Variants in IGF1R observed in about 807,000 individuals in gnomAD.
IGF1R encodes insulin like growth factor 1 receptor, also known as insulin-like growth factor 1 receptor.
A neutral mutation model predicts 144.6 loss-of-function variants in IGF1R; 44 were observed. That is an observed-to-expected ratio of 0.30 (90% CI 0.24 to 0.39). IGF1R has a LOEUF of 0.39. IGF1R is among the 10% of genes least tolerant of loss of function. The probability of loss-of-function intolerance (pLI) is 1.00; values close to 1 mark genes in which losing one functional copy is unlikely to be tolerated. For synonymous variants in IGF1R, 795 were observed against 722.8 expected (o/e 1.10, Z -1.60); for missense variants, 1,355 against 1,833.7 (o/e 0.74, Z 4.77).
At chr15:98,759,979 A>G (rs1388769327) in intron 2 of IGF1R, among the ~76,000 whole-genome samples, 1 of 152,136 alleles carries the variant, frequency 6.6e-6, no homozygotes, top group Admixed American at 6.5e-5. Flanking sequence ...TTGCTGCCAC[A>G]TTTTGCTTGG....
Position 98,810,738 on chromosome 15 carries a change from C to T in IGF1R, c.641-80587C>T, listed in dbSNP as rs543028268. On this transcript the variant is annotated intron_variant, in intron 2 of 20. Coordinates refer to ENST00000650285, the MANE Select transcript of IGF1R (RefSeq NM_000875.5). ...TTATTTTTCGTATTTTTAGTAGAGA[C>T]GGGGTTTCACCGTGTTAGCCAGGAT... Among the ~76,000 whole-genome samples, 8 of 151,506 alleles carry T rather than the reference C, an allele frequency of 5.3e-5. No homozygotes were observed. The East Asian group carries it at 7.9e-4, about 15-fold the overall frequency.
At chr15:98,886,673 T>G (rs1226161477) in intron 2 of IGF1R, among the ~76,000 whole-genome samples, 1 of 152,190 alleles carries the variant, frequency 6.6e-6, no homozygotes, top group Non-Finnish European at 1.5e-5. Context: ...ATTCTCAGTT[T>G]TGGCGCTCGC....
intron 1 of IGF1R, among the ~76,000 whole-genome samples, chr15:98,677,344 A>G (rs933222737): frequency 6.6e-6 from 1 of 152,202 alleles, no homozygotes; most frequent in Non-Finnish European, 1.5e-5. Context: ...ATTCGTTATA[A>G]TAGTCTTTCA....
At chr15:98,714,391 C>T (rs1171695410) in intron 2 of IGF1R, among the ~76,000 whole-genome samples, 1 of 152,186 alleles carries the variant, frequency 6.6e-6, no homozygotes, top group African/African-American at 2.4e-5. Flanking sequence ...CACCTGTAAT[C>T]CTAGCATTTG....
At chr15:98,836,381 G>C (rs2057102430) in intron 2 of IGF1R, among the ~76,000 whole-genome samples, 1 of 152,046 alleles carries the variant, frequency 6.6e-6, no homozygotes, top group Non-Finnish European at 1.5e-5. Flanking sequence ...GTAGCCAGCA[G>C]TGGTGGCACG....
At chr15:98,694,345 A>G (rs985835927) in intron 1 of IGF1R, among the ~76,000 whole-genome samples, 3 of 152,140 alleles carry the variant, frequency 2.0e-5, no homozygotes, top group African/African-American at 7.2e-5. Context: ...ATCCTCCACG[A>G]CAATCCATTA....
At chr15:98,699,406 T>C (rs41470151) in intron 1 of IGF1R, among the ~76,000 whole-genome samples, 16,484 of 152,234 alleles carry the variant, frequency 0.11, 1,599 homozygotes, top group African/African-American at 0.26. Flanking sequence ...TTAGAAAGGC[T>C]TAGAGGCTCT....
chr15:98,960,890 G>C lies in IGF1R; in HGVS notation c.*3448G>C. The C allele has an allele frequency of 4.3e-6, 1 of 233,774 alleles. No homozygotes were observed. Among genetic ancestry groups the C allele is most frequent in the Non-Finnish European group, 8.5e-6 (1 of 118,294 alleles). The allele number at this position is 233,774 out of a possible 1,614,324, so 14.5% of individuals were successfully genotyped here. On this transcript the variant is annotated 3_prime_UTR_variant, in exon 21 of 21. Coordinates refer to ENST00000650285, the MANE Select transcript of IGF1R (RefSeq NM_000875.5). ...TGGAAAGCCCAGTGGCCGGCGCCGAGGCTCGTGGCGTCACGCCCCCCCCGC... is the reference window on the plus strand; with the variant it reads ...TGGAAAGCCCAGTGGCCGGCGCCGACGCTCGTGGCGTCACGCCCCCCCCGC...
intron 5 of IGF1R, among the ~76,000 whole-genome samples, chr15:98,907,054 G>A (rs536837709): frequency 4.9e-4 from 75 of 152,300 alleles, no homozygotes; most frequent in Non-Finnish European, 7.2e-4. Flanking sequence ...GATGTCACCT[G>A]TGCATTCCCC....
Position 98,960,732 on chromosome 15 carries a change from G to C in IGF1R, c.*3290G>C, listed in dbSNP as rs975437930. On this transcript the variant is annotated 3_prime_UTR_variant, in exon 21 of 21. Transcript: ENST00000650285. ...CCAGCCTGTGCGCCAGAATGCAGAGGCTCCTGACCTCACAGCCAGTCCCTG... is the reference window on the plus strand; with the variant it reads ...CCAGCCTGTGCGCCAGAATGCAGAGCCTCCTGACCTCACAGCCAGTCCCTG... 1.3e-5 allele frequency: 3 copies of C among 233,290 alleles called. No individual in the cohort carries two copies. Among genetic ancestry groups the C allele is most frequent in the Non-Finnish European group, 2.5e-5 (3 of 118,120 alleles). The allele number at this position is 233,290 out of a possible 1,614,324, so 14.5% of individuals were successfully genotyped here. A position where few individuals can be genotyped will look rare whatever the true frequency, so the allele number is the denominator to read the frequency against.
chr15:98,909,853 G>T (rs2014925478), intron 6 of IGF1R, among the ~76,000 whole-genome samples: 1 of 152,240 alleles, frequency 6.6e-6, no homozygotes. Context: ...CAGAGATACA[G>T]CAGTGCCTTT....
In IGF1R at chr15:98,958,183, C is replaced by G. The variant is rs761776315; in HGVS notation, c.*741C>G. The G allele has an allele frequency of 1.9e-4, 44 of 232,876 alleles. No homozygotes were observed. The highest frequency in any genetic ancestry group is 2.5e-5 in the Non-Finnish European group (3 of 117,762). 14.4% of individuals were successfully genotyped at this position (232,876 alleles called of 1,614,324 possible). ...GCCCCTGCTGTGCTGCTCAAGGCCACAGGCACACAGGTCTCATTGCTTCTG... is the reference window on the plus strand; with the variant it reads ...GCCCCTGCTGTGCTGCTCAAGGCCAGAGGCACACAGGTCTCATTGCTTCTG... On this transcript the variant is annotated 3_prime_UTR_variant, in exon 21 of 21. Transcript: ENST00000650285.
At chr15:98,730,159 C>T (rs2054465129) in intron 2 of IGF1R, among the ~76,000 whole-genome samples, 1 of 151,966 alleles carries the variant, frequency 6.6e-6, no homozygotes, top group Non-Finnish European at 1.5e-5. Flanking sequence ...GAGTGTACCA[C>T]TGCTTAATTA....
intron 2 of IGF1R, among the ~76,000 whole-genome samples, chr15:98,764,251 AC>A (rs1342789286): frequency 9.2e-5 from 14 of 152,340 alleles, no homozygotes; most frequent in Non-Finnish European, 1.8e-4. Flanking sequence ...AGAAAAAGTC[AC>A]AGAAAATCTT....
intron 18 of IGF1R, 23 bp downstream of exon 18, chr15:98,939,383 C>T (rs1228057587): frequency 6.2e-7 from 1 of 1,613,368 alleles, no homozygotes; most frequent in Non-Finnish European, 8.5e-7. Flanking sequence ...CTTTCCAGGT[C>T]TGGGCAAGAA....
At chr15:98,754,701 T>C (rs1399609301) in intron 2 of IGF1R, among the ~76,000 whole-genome samples, 1 of 152,164 alleles carries the variant, frequency 6.6e-6, no homozygotes, top group Non-Finnish European at 1.5e-5. Context: ...GGAATGAGCT[T>C]GGAATAAAAG....
At chr15:98,830,098 C>G (rs1200432917) in intron 2 of IGF1R, among the ~76,000 whole-genome samples, 1 of 152,200 alleles carries the variant, frequency 6.6e-6, no homozygotes, top group Non-Finnish European at 1.5e-5. Flanking sequence ...CCTGGAATCT[C>G]TTTCTTCTTC....
chr15:98,879,505 G>A (rs2013259860), intron 2 of IGF1R, among the ~76,000 whole-genome samples: 1 of 152,324 alleles, frequency 6.6e-6, no homozygotes, highest in South Asian at 2.1e-4. Flanking sequence ...TCGGAGCAGA[G>A]GGGAGGCACA....
intron 2 of IGF1R, among the ~76,000 whole-genome samples, chr15:98,757,347 A>G (rs991048583): frequency 2.0e-5 from 3 of 152,056 alleles, no homozygotes; most frequent in African/African-American, 7.2e-5. Context: ...TATTTTTAGT[A>G]GAGATGAGGT....
Sources: allele counts gnomAD v4.1 joint callset (sites outside exome capture counted in the v4.1 genomes callset), GRCh38; gene constraint gnomAD v4.1.1; transcripts MANE v1.5; gene names NCBI Gene and HGNC (gene_info 2026-07-23, HGNC 2026-07-21).